The following DAB2IP variants were observed in gnomAD, a reference collection of about 807,000 sequenced individuals.
DAB2IP encodes the protein disabled homolog 2-interacting protein.
In DAB2IP, 28 loss-of-function variants were observed where a neutral mutation model predicts 107.2. The observed-to-expected ratio is 0.26, with a 90% CI of 0.19 to 0.36. The LOEUF (loss-of-function observed/expected upper bound fraction) is 0.36, where lower values mean the gene tolerates loss of function less well. Among genes scored for constraint, DAB2IP ranks in the 10% least tolerant of loss-of-function variants. The pLI, the probability that DAB2IP is intolerant of heterozygous loss-of-function variation, is 1.00. For synonymous variants in DAB2IP, 755 were observed against 706.4 expected, an observed-to-expected ratio of 1.07 and a Z score of -1.09; for missense variants, 1,400 against 1,644.7, an observed-to-expected ratio of 0.85 and a Z score of 2.57.
intron 3 of DAB2IP, among the ~76,000 whole-genome samples, chr9:121,714,057 T>C (rs1199564092): frequency 6.6e-6 from 1 of 152,186 alleles, no homozygotes; most frequent in Non-Finnish European, 1.5e-5. Flanking sequence ...TCATGTTACA[T>C]GGTAATTTGA....
chr9:121,653,114 C>T (rs1832820410), intron 1 of DAB2IP, among the ~76,000 whole-genome samples: 1 of 152,068 alleles, frequency 6.6e-6, no homozygotes, highest in Non-Finnish European at 1.5e-5. Context: ...TTAGTAAGTA[C>T]AGAATTAACA....
intron 1 of DAB2IP, among the ~76,000 whole-genome samples, chr9:121,645,611 T>C (rs1005381785): frequency 3.3e-5 from 5 of 152,178 alleles, no homozygotes; most frequent in African/African-American, 1.2e-4. Flanking sequence ...TGCTCTGTGC[T>C]GGGATGAGAG....
At chr9:121,667,054 A>G (rs576834078) in intron 1 of DAB2IP, among the ~76,000 whole-genome samples, 4 of 152,328 alleles carry the variant, frequency 2.6e-5, no homozygotes, top group African/African-American at 7.2e-5. Flanking sequence ...TCTGTCACCC[A>G]GGCTGGAGTG....
chr9:121,754,895 A>G (rs1469058109), intron 3 of DAB2IP, among the ~76,000 whole-genome samples: 20 of 152,066 alleles, frequency 1.3e-4, no homozygotes, highest in Admixed American at 1.3e-3. Flanking sequence ...CCCGCTCTGT[A>G]CTTCCTGGGT....
chr9:121,631,923 C>T (rs1477811727), intron 1 of DAB2IP, among the ~76,000 whole-genome samples: 1 of 151,886 alleles, frequency 6.6e-6, no homozygotes, highest in African/African-American at 2.4e-5. Context: ...TGAGGACAGA[C>T]CCCCTGGTTG....
At chr9:121,623,825 T>A (rs2119000064) in intron 1 of DAB2IP, among the ~76,000 whole-genome samples, 1 of 152,236 alleles carries the variant, frequency 6.6e-6, no homozygotes, top group Middle Eastern at 3.4e-3. Context: ...GTAGCTGGGA[T>A]TACAGGCACA....
upstream of DAB2IP, among the ~76,000 whole-genome samples, chr9:121,649,727 C>T (rs948307402): frequency 1.3e-5 from 2 of 152,222 alleles, no homozygotes; most frequent in Admixed American, 1.3e-4. Context: ...CGTGAGGAGG[C>T]ACTGAACTGG....
chr9:121,603,076 C>G (rs2118957451), intron 1 of DAB2IP, among the ~76,000 whole-genome samples: 1 of 152,318 alleles, frequency 6.6e-6, no homozygotes, highest in South Asian at 2.1e-4. Flanking sequence ...TCCCTCCCCT[C>G]AACACCTTCT....
intron 3 of DAB2IP, chr9:121,737,425 G>C: frequency 4.1e-6 from 4 of 985,438 alleles, no homozygotes; most frequent in Non-Finnish European, 4.8e-6. Context: ...GATTCAGCAC[G>C]TGCCTTTCGG....
intron 1 of DAB2IP, among the ~76,000 whole-genome samples, chr9:121,584,411 A>C (rs927654335): frequency 7.3e-6 from 1 of 137,830 alleles, no homozygotes; most frequent in African/African-American, 3.0e-5. Context: ...CTGTCTCTAC[A>C]AAAAAAAAAA....
chr9:121,589,384 A>C (rs1286970212), intron 1 of DAB2IP, among the ~76,000 whole-genome samples: 1 of 152,072 alleles, frequency 6.6e-6, no homozygotes, highest in Non-Finnish European at 1.5e-5. Flanking sequence ...TGGCTGTTTC[A>C]TGGTGCCATG....
At chr9:121,615,546 G>A (rs1317997897) in intron 1 of DAB2IP, among the ~76,000 whole-genome samples, 2 of 152,112 alleles carry the variant, frequency 1.3e-5, no homozygotes, top group Non-Finnish European at 2.9e-5. Context: ...CAATTGGCAG[G>A]TCCTTTATAA....
At chr9:121,685,010 C>T (rs1016850767) in intron 2 of DAB2IP, among the ~76,000 whole-genome samples, 4 of 152,170 alleles carry the variant, frequency 2.6e-5, no homozygotes, top group Non-Finnish European at 2.9e-5. Context: ...CCACCATGGG[C>T]GCCCCAGTTT....
At chr9:121,638,698 A>G (rs1832173433) in intron 1 of DAB2IP, among the ~76,000 whole-genome samples, 1 of 151,822 alleles carries the variant, frequency 6.6e-6, no homozygotes, top group Non-Finnish European at 1.5e-5. Context: ...TGTTTTATGG[A>G]GAACCACACT....
chr9:121,615,391 G>A (rs1021228908), intron 1 of DAB2IP, among the ~76,000 whole-genome samples: 1 of 152,128 alleles, frequency 6.6e-6, no homozygotes, highest in Non-Finnish European at 1.5e-5. Context: ...TAAGCTTTGC[G>A]ACACTCCTGG....
At chr9:121,741,715 T>C (rs1281565323) in intron 3 of DAB2IP, among the ~76,000 whole-genome samples, 1 of 151,520 alleles carries the variant, frequency 6.6e-6, no homozygotes, top group Non-Finnish European at 1.5e-5. Flanking sequence ...TTGGCCACAG[T>C]CACTACCCAA....
rs183373817 is a variant in DAB2IP at position 121,700,952 on chromosome 9, G to A, written c.362+1494G>A. Among the ~76,000 whole-genome samples, 51 of 152,290 alleles carry A rather than the reference G, an allele frequency of 3.3e-4. 1 individual carries two copies. The highest frequency in any genetic ancestry group is 1.1e-3 in the African/African-American group (46 of 41,572). ...CAGTCACTGCGTCTTTGAAAATCTC[G>A]CTTCCCATCTTTGTTATTGTCTGGG... On this transcript the variant is annotated intron_variant, in intron 3 of 15. Transcript: ENST00000408936.
chr9:121,768,414 C>T lies in DAB2IP; in HGVS notation c.1698-18C>T, dbSNP rs1356208665. 4 of 1,613,924 alleles carry T rather than the reference C, an allele frequency of 2.5e-6. No individual in the cohort carries two copies. The African/African-American group carries it at 5.3e-5, about 22-fold the overall frequency. On this transcript the variant is annotated intron_variant, in intron 9 of 15. Coordinates refer to ENST00000408936, the Ensembl canonical transcript of DAB2IP. ...CTGCCTGGGCCCAGTAGTGCTCACC[C>T]AACTGCCCTCTCTCCAGATTTGGCA...
chr9:121,610,056 ATGTG>A (rs10537988), intron 1 of DAB2IP, among the ~76,000 whole-genome samples: 67 of 150,092 alleles, frequency 4.5e-4, no homozygotes, highest in Non-Finnish European at 7.6e-4. Flanking sequence ...GATTTTGTGT[ATGTG>A]TGTGTGTGTG....
Sources: gnomAD v4.1 joint callset for allele counts (sites outside exome capture counted in the v4.1 genomes callset) on GRCh38, gnomAD v4.1.1 for gene constraint, MANE v1.5 for transcripts, NCBI Gene and HGNC (gene_info 2026-07-23, HGNC 2026-07-21) for gene names.